Variants in YLPM1 observed in about 807,000 individuals in gnomAD.
YLPM1 encodes YLP motif containing 1.
In YLPM1, 99 loss-of-function variants were observed where a neutral mutation model predicts 230.0. The ratio of observed to expected loss-of-function variants is 0.43; its 90% CI spans 0.37 to 0.51. The LOEUF (loss-of-function observed/expected upper bound fraction) is 0.51, where lower values mean the gene tolerates loss of function less well. Among genes scored for constraint, YLPM1 ranks in the 20% least tolerant of loss-of-function variants. YLPM1 has a pLI of 0.00. For missense variants in YLPM1, 2,592 were observed against 2,707.7 expected (o/e 0.96, Z 0.95); for synonymous variants, 984 against 942.5 (o/e 1.04, Z -0.81).
intron 3 of YLPM1, 92 bp from the exon 4 acceptor site, chr14:74,781,242 G>C (rs746159004): frequency 5.3e-5 from 72 of 1,364,432 alleles, no homozygotes; most frequent in Non-Finnish European, 6.9e-5. Context: ...ATTTCCTAAA[G>C]CGTCAAATGC....
At chr14:74,766,176 G>T (rs2090909521) in intron 1 of YLPM1, among the ~76,000 whole-genome samples, 1 of 152,094 alleles carries the variant, frequency 6.6e-6, no homozygotes, top group African/African-American at 2.4e-5. Context: ...CAAATTGTAG[G>T]CTCTCCACAG....
chr14:74,780,231 T>C (rs563686253), intron 2 of YLPM1, among the ~76,000 whole-genome samples, 174 bp from the exon 3 acceptor site: 5 of 152,370 alleles, frequency 3.3e-5, no homozygotes, highest in African/African-American at 9.6e-5. Context: ...TAGAGCTATG[T>C]GTTTTATCTA....
intron 1 of YLPM1, among the ~76,000 whole-genome samples, chr14:74,773,341 A>G (rs927327624): frequency 1.4e-4 from 21 of 151,782 alleles, no homozygotes; most frequent in African/African-American, 4.6e-4. Context: ...TGAATCAACA[A>G]GTACTTCAGC....
Position 74,778,546 on chromosome 14 carries a change from G to T in YLPM1, c.973G>T (p.Asp325Tyr). 6.2e-7 allele frequency: 1 copy of T among 1,607,350 alleles called. No individual in the cohort carries two copies. The highest frequency in any genetic ancestry group is 1.1e-5 in the South Asian group (1 of 89,384). The stretch of plus-strand genomic sequence containing the variant: ...CAAAAAGGGTCCTGTGGTAGCAAAG[G>T]ATACACCAGAGCCGGTAAAAGAAGA... Reference protein sequence around the residue: ...GHKKGPVVAKDTPEPVKEEVT... With the variant: ...GHKKGPVVAKYTPEPVKEEVT... Residue 325 changes from aspartate to tyrosine, a missense_variant, in exon 2 of 21, where the codon GAT becomes TAT. By Grantham distance (160) the Asp-to-Tyr change is radical. Coordinates refer to ENST00000325680, the MANE Select transcript of YLPM1 (RefSeq NM_019589.3).
chr14:74,805,665 C>T (rs1374383422), intron 6 of YLPM1, among the ~76,000 whole-genome samples: 3 of 151,344 alleles, frequency 2.0e-5, no homozygotes, highest in African/African-American at 4.9e-5. Flanking sequence ...GTGATTTTAA[C>T]GTCCCAAAGT....
At position 74,809,776 on chromosome 14, in the gene YLPM1, G is replaced by C. The variant is rs145258973; in HGVS notation, c.4918G>C (p.Val1640Leu). ...MSKPPPVQQT[V>L]DYGHGRDIST... Reference sequence around the variant, plus strand: ...CAAGCCACCACCAGTACAACAGACTGTTGATTATGGCCATGGCCGAGGTGA... The same window carrying C: ...CAAGCCACCACCAGTACAACAGACTCTTGATTATGGCCATGGCCGAGGTGA... The change falls in exon 7 of 21, where the codon GTT becomes CTT. Residue 1640 changes from valine (V) to leucine (L), a missense_variant. By Grantham distance (32) the Val-to-Leu change is conservative. This residue lies in a region of YLPM1 where 403 missense variants were observed against 426.7 expected (regional missense o/e 0.94). Transcript: ENST00000325680. 1.2e-4 allele frequency: 186 copies of C among 1,614,012 alleles called. No individual in the cohort carries two copies. In the African/African-American group the frequency reaches 2.3e-3, roughly 20 times the overall value.
chr14:74,819,361 G>A (rs892179187), intron 16 of YLPM1, among the ~76,000 whole-genome samples: 2 of 141,358 alleles, frequency 1.4e-5, no homozygotes, highest in African/African-American at 2.7e-5. Flanking sequence ...TGCAACCTCC[G>A]CCTCCAGGGT....
At chr14:74,832,793 T>G (rs150371882) in intron 19 of YLPM1, among the ~76,000 whole-genome samples, 42 of 152,290 alleles carry the variant, frequency 2.8e-4, no homozygotes, top group African/African-American at 9.4e-4. Flanking sequence ...GTTAAAATCT[T>G]GAACATTTAT....
Position 74,810,287 on chromosome 14 carries a change from C to G in YLPM1, c.5095C>G (p.Gln1699Glu), listed in dbSNP as rs1289365804. The G allele has an allele frequency of 6.2e-7, 1 of 1,613,538 alleles. No individual in the cohort carries two copies. Among genetic ancestry groups the G allele is most frequent in the Non-Finnish European group, 8.5e-7 (1 of 1,179,846 alleles). The change falls in exon 9 of 21, where the codon CAA (glutamine) becomes GAA (glutamate). Residue 1699 changes from glutamine to glutamate, a missense_variant. By Grantham distance (29) the Gln-to-Glu change is conservative. Coordinates refer to ENST00000325680, the MANE Select transcript of YLPM1 (RefSeq NM_019589.3). ...AGATCGTGAGCCTTATTTTGATCGT[C>G]AAAGTAATGTCATAGCAGATCATCG... ...ERDREPYFDRQSNVIADHRDF... is the reference protein window; with the variant it reads ...ERDREPYFDRESNVIADHRDF...
rs753957008 is a variant in YLPM1, at chr14:74,782,216, G to T, written c.2173G>T (p.Ala725Ser). 5 of 1,603,330 alleles carry T rather than the reference G, an allele frequency of 3.1e-6. No individual in the cohort carries two copies. The Admixed American group carries it at 8.3e-5, about 27-fold the overall frequency. ...SSDQGLGESS[A>S]APSQPITAVK... ...TGATCAAGGACTTGGGGAGTCTTCA[G>T]CTGCTCCATCTCAGCCAATCACTGC... The change falls in exon 4 of 21, where the codon GCT (alanine) becomes TCT (serine). Residue 725 changes from alanine to serine, a missense_variant. Coordinates refer to ENST00000325680, the MANE Select transcript of YLPM1 (RefSeq NM_019589.3).
intron 4 of YLPM1, among the ~76,000 whole-genome samples, chr14:74,783,797 C>T (rs751492564): frequency 1.6e-4 from 25 of 152,136 alleles, no homozygotes; most frequent in Non-Finnish European, 3.1e-4. Context: ...ACCAAGAAGC[C>T]TTGCTAGAGA....
chr14:74,779,017 T>G (rs2091068665), intron 2 of YLPM1, among the ~76,000 whole-genome samples: 1 of 151,956 alleles, frequency 6.6e-6, no homozygotes, highest in Non-Finnish European at 1.5e-5. Flanking sequence ...ATTTTTGTAT[T>G]TTTTAGTAGA....
At chr14:74,791,142 C>T (rs1363823221) in intron 4 of YLPM1, among the ~76,000 whole-genome samples, 1 of 152,136 alleles carries the variant, frequency 6.6e-6, no homozygotes, top group Non-Finnish European at 1.5e-5. Flanking sequence ...GTGGCAGGCA[C>T]CTGTGGTCCC....
intron 4 of YLPM1, among the ~76,000 whole-genome samples, chr14:74,793,907 C>CT (rs1566748788): frequency 6.6e-6 from 1 of 152,206 alleles, no homozygotes; most frequent in Non-Finnish European, 1.5e-5. Flanking sequence ...CCCCTAGTGT[C>CT]TGAGAATCCT....
rs200751709 is a variant in YLPM1, at chr14:74,813,604, A to AT, written c.5502+832dup. On this transcript the variant is annotated intron_variant, in intron 11 of 20. Transcript: ENST00000325680. ...TGATTGGATTGTTTAATACATTCACATTTTTTTTTTAAATTATGGATTCAG... is the reference window on the plus strand; with the variant it reads ...TGATTGGATTGTTTAATACATTCACATTTTTTTTTTTAAATTATGGATTCAG... 2.7e-4 allele frequency among the ~76,000 whole-genome samples: 41 copies of AT among 149,566 alleles called. No homozygotes were observed. In the South Asian group the frequency reaches 2.7e-3, roughly 10 times the overall value.
Position 74,812,733 on chromosome 14 carries a change from A to T in YLPM1, c.5453A>T (p.Asn1818Ile). 1 of 1,613,724 alleles carries T rather than the reference A, an allele frequency of 6.2e-7. No individual in the cohort carries two copies. The highest frequency in any genetic ancestry group is 1.7e-5 in the Admixed American group (1 of 60,000). Residue 1818 changes from asparagine (N) to isoleucine (I), a missense_variant, in exon 11 of 21, where the codon AAT becomes ATT. Around this residue, in one of 4 missense-constraint regions of YLPM1, gnomAD observed 315 missense variants for 429.3 expected, o/e 0.73. Coordinates refer to ENST00000325680, the MANE Select transcript of YLPM1 (RefSeq NM_019589.3). ...GTCGAGAAGAAGCCTGAATCAAAGAATGTGGACGATATTTTGAAACCACCG... is the reference window on the plus strand; with the variant it reads ...GTCGAGAAGAAGCCTGAATCAAAGATTGTGGACGATATTTTGAAACCACCG... ...PRVEKKPESK[N>I]VDDILKPPGR...
Position 74,797,649 on chromosome 14 carries a change from T to G in YLPM1, c.2352T>G (p.Arg784=). 2 of 1,584,194 alleles carry G rather than the reference T, an allele frequency of 1.3e-6. No individual in the cohort carries two copies. Among genetic ancestry groups the G allele is most frequent in the Non-Finnish European group, 1.7e-6 (2 of 1,164,466 alleles). Residue 784 remains arginine, a synonymous_variant, in exon 5 of 21, where the codon CGT becomes CGG. Transcript: ENST00000325680. ...RCEGPRPKGP[R]FEGNRPDGPR... is the part of the protein sequence containing the mutation. ...AAGGACCGAGACCCAAAGGGCCTCG[T>G]TTTGAAGGAAATCGCCCCGATGGGC...
At position 74,821,131 on chromosome 14, in the gene YLPM1, C is replaced by T. The variant is rs1487261591; in HGVS notation, c.6105C>T (p.Ser2035=). ...EEKKDAEEEE[S]ELGYIPKSKW... is the part of the protein sequence containing the mutation. ...AGAAAGATGCAGAGGAAGAGGAAAG[C>T]GAACTGGTAGGAGACAGACCAACCA... is the stretch of plus-strand genomic sequence containing the variant. Residue 2035 remains serine (S), a synonymous_variant, in exon 17 of 21, where the codon AGC becomes AGT. Transcript: ENST00000325680. 4.5e-6 allele frequency: 7 copies of T among 1,540,278 alleles called. No individual in the cohort carries two copies. The South Asian group carries it at 4.9e-5, about 11-fold the overall frequency.
At chr14:74,833,603 C>A (rs187588520) in intron 19 of YLPM1, among the ~76,000 whole-genome samples, 17 of 152,198 alleles carry the variant, frequency 1.1e-4, no homozygotes, top group Non-Finnish European at 2.9e-5. Context: ...GAGCAGAATG[C>A]CCAAAGATTT....
Sources: allele counts gnomAD v4.1 joint callset (sites outside exome capture counted in the v4.1 genomes callset), GRCh38; gene constraint gnomAD v4.1.1; regional missense constraint gnomAD v4.1.1; transcripts MANE v1.5; gene names NCBI Gene and HGNC (gene_info 2026-07-23, HGNC 2026-07-21).